The following ADAMTSL1 variants were observed in gnomAD, a reference collection of about 807,000 sequenced individuals.
ADAMTSL1 encodes the protein ADAMTS-like protein 1.
A neutral mutation model predicts 201.8 loss-of-function variants in ADAMTSL1; 126 were observed. The observed-to-expected ratio is 0.62, with a 90% CI of 0.54 to 0.72. The LOEUF (loss-of-function observed/expected upper bound fraction) is 0.72. Ranked by LOEUF, ADAMTSL1 falls within the 30% of genes least tolerant of loss-of-function variation. ADAMTSL1 has a pLI of 0.00. For synonymous variants in ADAMTSL1, 1,121 were observed against 903.4 expected (o/e 1.24, Z -4.32); for missense variants, 2,679 against 2,277.8 (o/e 1.18, Z -3.59).
At chr9:18,694,288 C>T (rs1831417186) in intron 13 of ADAMTSL1, among the ~76,000 whole-genome samples, 1 of 152,046 alleles carries the variant, frequency 6.6e-6, no homozygotes, top group Admixed American at 6.6e-5. Flanking sequence ...AATCTCATGC[C>T]CTTCTCATGT....
chr9:18,742,997 C>G (rs1818931752), intron 15 of ADAMTSL1, among the ~76,000 whole-genome samples: 1 of 152,142 alleles, frequency 6.6e-6, no homozygotes, highest in African/African-American at 2.4e-5. Flanking sequence ...CCTAACATAT[C>G]AAACTCCTTG....
At chr9:18,284,735 T>C (rs1202372957) in intron 2 of ADAMTSL1, among the ~76,000 whole-genome samples, 1 of 152,232 alleles carries the variant, frequency 6.6e-6, no homozygotes, top group Non-Finnish European at 1.5e-5. Context: ...TGCTCGTATT[T>C]TATTTCCTTC....
At chr9:18,327,460 G>T (rs1834871716) in intron 2 of ADAMTSL1, among the ~76,000 whole-genome samples, 1 of 152,128 alleles carries the variant, frequency 6.6e-6, no homozygotes, top group African/African-American at 2.4e-5. Context: ...ATCTTTCCTT[G>T]GCAGAATTGA....
intron 20 of ADAMTSL1, among the ~76,000 whole-genome samples, chr9:18,800,057 A>C (rs1281294389): frequency 3.3e-5 from 5 of 152,110 alleles, no homozygotes; most frequent in Non-Finnish European, 7.3e-5. Context: ...CTAACAAAGG[A>C]AGATTTGCTC....
intron 23 of ADAMTSL1, among the ~76,000 whole-genome samples, chr9:18,877,818 G>T (rs1263923085): frequency 6.6e-6 from 1 of 152,086 alleles, no homozygotes; most frequent in Non-Finnish European, 1.5e-5. Flanking sequence ...TCAGGCAGTG[G>T]GCAGGGCCAC....
rs768993557 is a variant in ADAMTSL1, at chr9:18,162,647, G to A, written c.88-1215G>A. Among the ~76,000 whole-genome samples the A allele has an allele frequency of 7.9e-5, 12 of 151,554 alleles. No individual in the cohort carries two copies. The East Asian group carries it at 9.7e-4, about 12-fold the overall frequency. On this transcript the variant is annotated intron_variant, in intron 1 of 29. Coordinates refer to the ADAMTSL1 transcript ENST00000680146. Reference sequence around the variant, plus strand: ...GTATACCCCTTTCCAAAAGACATACGGTTTAAAATGACTAATTTATTATGC... The same window carrying A: ...GTATACCCCTTTCCAAAAGACATACAGTTTAAAATGACTAATTTATTATGC...
chr9:18,872,186 A>G (rs560096143), intron 23 of ADAMTSL1, among the ~76,000 whole-genome samples: 3 of 152,086 alleles, frequency 2.0e-5, no homozygotes, highest in Admixed American at 6.5e-5. Flanking sequence ...ATAGAATATA[A>G]TAGGACTTGG....
intron 2 of ADAMTSL1, among the ~76,000 whole-genome samples, chr9:18,168,286 C>G (rs867904369): frequency 2.0e-5 from 3 of 152,082 alleles, no homozygotes; most frequent in Non-Finnish European, 2.9e-5. Flanking sequence ...TCCCCCAACC[C>G]CACAAGGGTC....
At chr9:17,908,605 T>C (rs954342162) in intron 1 of ADAMTSL1, among the ~76,000 whole-genome samples, 3 of 152,056 alleles carry the variant, frequency 2.0e-5, no homozygotes, top group African/African-American at 7.2e-5. Context: ...TACAGGCATT[T>C]GCCACGACGC....
chr9:18,506,581 G>A (rs1370242299), intron 2 of ADAMTSL1, among the ~76,000 whole-genome samples: 2 of 121,886 alleles, frequency 1.6e-5, no homozygotes, highest in East Asian at 4.3e-4. Context: ...AAATATTGAT[G>A]CCATGCGAAA....
At chr9:18,219,461 C>T (rs556238942) in intron 2 of ADAMTSL1, among the ~76,000 whole-genome samples, 17 of 151,942 alleles carry the variant, frequency 1.1e-4, no homozygotes, top group African/African-American at 3.9e-4. Flanking sequence ...GTCTGCCTTT[C>T]GGGTTCAAGC....
chr9:18,386,040 G>A (rs909546479), intron 2 of ADAMTSL1, among the ~76,000 whole-genome samples: 8 of 152,104 alleles, frequency 5.3e-5, no homozygotes, highest in South Asian at 2.1e-4. Context: ...ACAAGCATCC[G>A]AAAACCATTA....
chr9:18,717,803 T>A (rs1310411473), intron 14 of ADAMTSL1, among the ~76,000 whole-genome samples: 1 of 152,172 alleles, frequency 6.6e-6, no homozygotes. Context: ...AGCTTGAAAG[T>A]GATTAGAATG....
intron 1 of ADAMTSL1, among the ~76,000 whole-genome samples, chr9:18,067,773 G>C (rs1586976980): frequency 6.6e-6 from 1 of 152,114 alleles, no homozygotes; most frequent in African/African-American, 2.4e-5. Flanking sequence ...AAGATCTATG[G>C]AGGAAGGCTA....
intron 1 of ADAMTSL1, among the ~76,000 whole-genome samples, chr9:17,932,907 G>A (rs539864411): frequency 1.1e-4 from 16 of 151,906 alleles, no homozygotes; most frequent in Non-Finnish European, 1.9e-4. Context: ...CATATTTTAG[G>A]ACTCATTTCT....
Position 18,037,486 on chromosome 9 carries a change from T to G in ADAMTSL1, c.88-126376T>G, listed in dbSNP as rs950399778. Among the ~76,000 whole-genome samples, 6 of 152,282 alleles carry G rather than the reference T, an allele frequency of 3.9e-5. No homozygotes were observed. The South Asian group carries it at 6.2e-4, about 16-fold the overall frequency. On this transcript the variant is annotated intron_variant, in intron 1 of 29. Transcript: ENST00000680146. ...TAACTTCTTAGAGACTTGCTTATATTTTTTCCCCTTTTTCTAAAATACACT... is the reference window on the plus strand; with the variant it reads ...TAACTTCTTAGAGACTTGCTTATATGTTTTCCCCTTTTTCTAAAATACACT...
intron 1 of ADAMTSL1, among the ~76,000 whole-genome samples, chr9:17,957,858 T>A (rs1399522754): frequency 6.6e-6 from 1 of 152,066 alleles, no homozygotes; most frequent in East Asian, 1.9e-4. Context: ...CACCCAAAGC[T>A]AAGAAGAGGA....
intron 2 of ADAMTSL1, among the ~76,000 whole-genome samples, chr9:18,302,465 A>T (rs984599113): frequency 6.6e-6 from 1 of 152,144 alleles, no homozygotes; most frequent in African/African-American, 2.4e-5. Context: ...CTACTTAGAT[A>T]TGTGGATATG....
intron 2 of ADAMTSL1, among the ~76,000 whole-genome samples, chr9:18,186,684 C>T (rs563775513): frequency 7.9e-5 from 12 of 152,160 alleles, no homozygotes; most frequent in South Asian, 6.2e-4. Context: ...AAAGTTTGAG[C>T]GGGATCTCTT....
Sources: allele counts gnomAD v4.1 joint callset (sites outside exome capture counted in the v4.1 genomes callset), GRCh38; gene constraint gnomAD v4.1.1; transcripts MANE v1.5; gene names NCBI Gene and HGNC (gene_info 2026-07-23, HGNC 2026-07-21).